ANKRD44: variants seen among roughly 807,000 people sequenced by gnomAD.
The protein encoded by ANKRD44 is serine/threonine-protein phosphatase 6 regulatory ankyrin repeat subunit B.
ANKRD44 carries 35 observed loss-of-function variants against 116.0 expected under a neutral mutation model. The observed-to-expected ratio is 0.30, with a 90% CI of 0.23 to 0.40. ANKRD44 has a LOEUF of 0.40. ANKRD44 is among the 10% of genes least tolerant of loss of function. The probability of loss-of-function intolerance (pLI) is 1.00; values close to 1 mark genes in which losing one functional copy is unlikely to be tolerated. For missense variants in ANKRD44, 1,014 were observed against 1,242.6 expected, an observed-to-expected ratio of 0.82 and a Z score of 2.77; for synonymous variants, 435 against 461.8, an observed-to-expected ratio of 0.94 and a Z score of 0.74.
intron 13 of ANKRD44, among the ~76,000 whole-genome samples, chr2:197,084,268 C>T (rs982044036): frequency 3.3e-5 from 5 of 152,142 alleles, no homozygotes; most frequent in Non-Finnish European, 7.4e-5. Context: ...CTACATCCCC[C>T]CTACCTTTGT....
chr2:197,008,146 G>A (rs2076233962), intron 19 of ANKRD44, among the ~76,000 whole-genome samples: 1 of 152,148 alleles, frequency 6.6e-6, no homozygotes, highest in Admixed American at 6.5e-5. Flanking sequence ...GATCCCTAGG[G>A]ATGAGGCAGG....
chr2:197,081,824 C>T, intron 14 of ANKRD44, 99 bp from the exon 15 acceptor site: 2 of 937,312 alleles, frequency 2.1e-6, no homozygotes, highest in Non-Finnish European at 3.3e-6. Flanking sequence ...ATGATTTTTA[C>T]CCCAACCCAA....
At chr2:197,131,192 CTTT>C (rs11313608) in intron 4 of ANKRD44, among the ~76,000 whole-genome samples, 15 of 130,058 alleles carry the variant, frequency 1.2e-4, no homozygotes, top group Admixed American at 2.3e-4. Context: ...ATAGTAAGTA[CTTT>C]TTTTTTTTTT....
intron 1 of ANKRD44, among the ~76,000 whole-genome samples, chr2:197,277,022 C>G (rs2564369): frequency 0.77 from 115,610 of 150,928 alleles, 44,515 homozygotes; most frequent in East Asian, 0.89. Flanking sequence ...CTGCCTCCCA[C>G]GTTCACGCCA....
intron 1 of ANKRD44, among the ~76,000 whole-genome samples, chr2:197,264,124 G>C (rs1429392784): frequency 6.6e-6 from 1 of 152,180 alleles, no homozygotes. Flanking sequence ...AAAAGGAAAA[G>C]AAAGGAGCCT....
At chr2:197,033,549 C>T (rs2076748046) in intron 16 of ANKRD44, among the ~76,000 whole-genome samples, 1 of 152,104 alleles carries the variant, frequency 6.6e-6, no homozygotes, top group Non-Finnish European at 1.5e-5. Context: ...ACCTAAAACC[C>T]ATGTTCTTTA....
chr2:197,191,993 C>A (rs1272741202), intron 1 of ANKRD44, among the ~76,000 whole-genome samples: 1 of 152,168 alleles, frequency 6.6e-6, no homozygotes, highest in African/African-American at 2.4e-5. Flanking sequence ...ATCAGACACA[C>A]CCTCCATTTA....
At chr2:197,105,170 G>C (rs1238517599) in intron 9 of ANKRD44, among the ~76,000 whole-genome samples, 1 of 152,130 alleles carries the variant, frequency 6.6e-6, no homozygotes, top group East Asian at 1.9e-4. Flanking sequence ...CTGGAGTTCA[G>C]TGGTGTAATC....
intron 2 of ANKRD44, among the ~76,000 whole-genome samples, chr2:197,160,338 T>C (rs1399342630): frequency 1.3e-5 from 2 of 152,204 alleles, no homozygotes; most frequent in African/African-American, 2.4e-5. Context: ...TTTTTAGTTC[T>C]CCTTGATGAC....
chr2:197,256,759 T>C (rs2082457794), intron 1 of ANKRD44, among the ~76,000 whole-genome samples: 1 of 152,134 alleles, frequency 6.6e-6, no homozygotes, highest in African/African-American at 2.4e-5. Context: ...GCCCTGTGTA[T>C]AAACAAGTCA....
At chr2:197,164,468 C>T (rs1183448996) in intron 2 of ANKRD44, among the ~76,000 whole-genome samples, 1 of 152,192 alleles carries the variant, frequency 6.6e-6, no homozygotes, top group Non-Finnish European at 1.5e-5. Context: ...GCAGGTCGCA[C>T]CCTTCCCCCA....
chr2:197,075,613 A>G (rs1227141434), intron 16 of ANKRD44, among the ~76,000 whole-genome samples: 1 of 152,232 alleles, frequency 6.6e-6, no homozygotes, highest in East Asian at 1.9e-4. Flanking sequence ...GGCTATTTCT[A>G]TCAAGGCTAA....
intron 1 of ANKRD44, among the ~76,000 whole-genome samples, chr2:197,230,055 T>C (rs2081820744): frequency 1.3e-5 from 2 of 151,890 alleles, no homozygotes; most frequent in Non-Finnish European, 2.9e-5. Context: ...GACGGAATGA[T>C]GGTTGTCTTG....
intron 16 of ANKRD44, among the ~76,000 whole-genome samples, chr2:197,033,932 A>T (rs972957080): frequency 4.6e-5 from 7 of 152,166 alleles, no homozygotes; most frequent in African/African-American, 1.7e-4. Flanking sequence ...ATTTGAATTA[A>T]CTTTTCTCTC....
intron 1 of ANKRD44, among the ~76,000 whole-genome samples, chr2:197,228,904 G>A (rs2712905): frequency 0.22 from 33,820 of 152,092 alleles, 3,929 homozygotes; most frequent in Middle Eastern, 0.27. Context: ...GCATGGTGGT[G>A]CATGCCTGTA....
At chr2:197,085,857 G>A (rs2077910053) in intron 13 of ANKRD44, among the ~76,000 whole-genome samples, 1 of 152,040 alleles carries the variant, frequency 6.6e-6, no homozygotes, top group Admixed American at 6.6e-5. Flanking sequence ...TCTTGCGCAA[G>A]ATACAAGAAC....
chr2:197,062,592 C>T (rs1385703476), intron 16 of ANKRD44, among the ~76,000 whole-genome samples: 3 of 152,190 alleles, frequency 2.0e-5, no homozygotes, highest in African/African-American at 7.2e-5. Flanking sequence ...CCAAGGGAAG[C>T]ACCTGGAAAA....
intron 21 of ANKRD44, among the ~76,000 whole-genome samples, chr2:196,981,289 T>C (rs979535159): frequency 6.6e-6 from 1 of 152,240 alleles, no homozygotes; most frequent in African/African-American, 2.4e-5. Context: ...CACAGTTCCA[T>C]AACCCTCTCT....
chr2:197,031,432 C>T (rs528679468), intron 16 of ANKRD44, among the ~76,000 whole-genome samples: 1 of 152,306 alleles, frequency 6.6e-6, no homozygotes, highest in African/African-American at 2.4e-5. Flanking sequence ...GAGCCCCAAA[C>T]TTCTGGGCTA....
Sources: allele counts gnomAD v4.1 joint callset (sites outside exome capture counted in the v4.1 genomes callset), GRCh38; gene constraint gnomAD v4.1.1; transcripts MANE v1.5; gene names NCBI Gene and HGNC (gene_info 2026-07-23, HGNC 2026-07-21).